The following PKD1L1 variants were observed in gnomAD, a reference collection of about 807,000 sequenced individuals.
The protein encoded by PKD1L1 is polycystin 1 like 1, transient receptor potential channel interacting.
In PKD1L1, 236 loss-of-function variants were observed where a neutral mutation model predicts 323.4. The observed-to-expected ratio is 0.73, with a 90% CI of 0.66 to 0.81. The LOEUF (loss-of-function observed/expected upper bound fraction) is 0.81, where lower values mean the gene tolerates loss of function less well. Among genes scored for constraint, PKD1L1 ranks in the 40% least tolerant of loss-of-function variants. The pLI is 0.00. For missense variants in PKD1L1, 3,320 were observed against 3,508.0 expected (o/e 0.95, Z 1.35); for synonymous variants, 1,344 against 1,335.0 (o/e 1.01, Z -0.15).
chr7:47,820,464 C>T lies in PKD1L1; in HGVS notation c.6965+612G>A, dbSNP rs374728674. On this transcript the variant is annotated intron_variant, in intron 46 of 56. Coordinates refer to ENST00000289672, the MANE Select transcript of PKD1L1 (RefSeq NM_138295.5). ...TGAAGGCCGGGCGTAGTGGCGCACA[C>T]CTGTAATCCCAGCACTTTGGGAGGC... 1.4e-3 allele frequency among the ~76,000 whole-genome samples: 211 copies of T among 152,314 alleles called. 1 individual carries two copies. The highest frequency in any genetic ancestry group is 4.7e-3 in the African/African-American group (197 of 41,566).
At chr7:47,954,268 GC>G in the PKD1L1 span, among the ~76,000 whole-genome samples, 4 of 152,254 alleles carry the variant, frequency 2.6e-5, no homozygotes, top group East Asian at 1.9e-4. Flanking sequence ...TGAGAAAAAA[GC>G]CAATTTTTGC....
chr7:47,807,317 G>A (rs183105509), intron 52 of PKD1L1, among the ~76,000 whole-genome samples: 25 of 152,278 alleles, frequency 1.6e-4, no homozygotes, highest in Non-Finnish European at 3.4e-4. Flanking sequence ...AAGCAGAAGT[G>A]TAGAGGAAAC....
At chr7:47,885,565 C>T (rs1286173285) in intron 18 of PKD1L1, 121 bp downstream of exon 18, 4 of 1,358,590 alleles carry the variant, frequency 2.9e-6, no homozygotes, top group African/African-American at 1.5e-5. Context: ...GAACCTGGCG[C>T]TTTCTGATTT....
chr7:47,925,687 G>A (rs577869737), intron 7 of PKD1L1, among the ~76,000 whole-genome samples: 1 of 152,212 alleles, frequency 6.6e-6, no homozygotes, highest in Admixed American at 6.5e-5. Flanking sequence ...CATTTAAACA[G>A]AGGCCTTAAG....
At chr7:47,855,340 G>T in intron 28 of PKD1L1, 75 bp from the exon 29 acceptor site, 1 of 1,044,432 alleles carries the variant, frequency 9.6e-7, no homozygotes, top group Non-Finnish European at 1.4e-6. Context: ...GCAAACCAAA[G>T]TATCGTGGTG....
intron 7 of PKD1L1, among the ~76,000 whole-genome samples, chr7:47,925,140 G>A (rs1787632807): frequency 6.6e-6 from 1 of 151,744 alleles, no homozygotes; most frequent in South Asian, 2.1e-4. Context: ...GAAAAAAAAA[G>A]GGAAAAAATA....
intron 40 of PKD1L1, 129 bp from the exon 41 acceptor site, chr7:47,833,381 G>T: frequency 9.7e-7 from 1 of 1,028,440 alleles, no homozygotes; most frequent in Non-Finnish European, 1.4e-6. Context: ...TGGTGCTGAG[G>T]CCTCTAAAGA....
Position 47,812,070 on chromosome 7 carries a change from T to G in PKD1L1, c.7347-19A>C. 6.5e-7 allele frequency: 1 copy of G among 1,547,498 alleles called. No homozygotes were observed. On this transcript the variant is annotated intron_variant, in intron 49 of 56. Coordinates refer to ENST00000289672, the MANE Select transcript of PKD1L1 (RefSeq NM_138295.5). Reference sequence around the variant, plus strand: ...TTCAGTCCTGTAAAACAGCACACACTGGGGTAGGGCAGGGCAGGGAGAAAG... The same window carrying G: ...TTCAGTCCTGTAAAACAGCACACACGGGGGTAGGGCAGGGCAGGGAGAAAG...
At chr7:47,848,915 T>A (rs1785721582) in intron 31 of PKD1L1, among the ~76,000 whole-genome samples, 1 of 152,080 alleles carries the variant, frequency 6.6e-6, no homozygotes, top group Non-Finnish European at 1.5e-5. Flanking sequence ...AAGGAACAAA[T>A]CTGGAGGCAT....
chr7:47,779,403 G>A (rs1462165215), intron 56 of PKD1L1, among the ~76,000 whole-genome samples: 1 of 152,150 alleles, frequency 6.6e-6, no homozygotes, highest in Admixed American at 6.5e-5. Flanking sequence ...CTGAAACATG[G>A]TGTGTTTTGA....
chr7:47,890,761 TA>T lies in PKD1L1; in HGVS notation c.2455del (p.Tyr819IlefsTer47). 6.2e-7 allele frequency: 1 copy of T among 1,612,056 alleles called. No individual in the cohort carries two copies. Among genetic ancestry groups the T allele is most frequent in the Non-Finnish European group, 8.5e-7 (1 of 1,179,896 alleles). Reference sequence around the variant, plus strand: ...GCCAGCGGTGGCGCATTCCCAGTGATACCTGTTGGAGAAGTCATCGGAGTGG... The same window carrying T: ...GCCAGCGGTGGCGCATTCCCAGTGATCCTGTTGGAGAAGTCATCGGAGTGG... The part of the protein sequence containing the change: ...DPDDPGATLR[Y>X]HWECATAGSP... On this transcript the variant is annotated frameshift_variant and splice_region_variant, in exon 16 of 57. Transcript: ENST00000289672. LOFTEE classifies it high-confidence loss of function.
intron 56 of PKD1L1, among the ~76,000 whole-genome samples, chr7:47,778,994 T>G (rs1786630839): frequency 6.6e-6 from 1 of 152,240 alleles, no homozygotes; most frequent in South Asian, 2.1e-4. Flanking sequence ...AAACTAGAAG[T>G]TCTTGTCCTA....
chr7:47,905,115 C>A, intron 11 of PKD1L1, 42 bp downstream of exon 11: 1 of 1,589,054 alleles, frequency 6.3e-7, no homozygotes, highest in Non-Finnish European at 8.6e-7. Flanking sequence ...GTATAGGCTG[C>A]AGTACAAACA....
intron 47 of PKD1L1, 75 bp downstream of exon 47, chr7:47,815,259 A>G: frequency 6.4e-7 from 1 of 1,553,082 alleles, no homozygotes; most frequent in Admixed American, 1.9e-5. Flanking sequence ...GCAGTTCAGC[A>G]TTAGTGACTG....
chr7:47,802,953 GTAA>G (rs1343113682), intron 53 of PKD1L1, among the ~76,000 whole-genome samples: 1 of 152,214 alleles, frequency 6.6e-6, no homozygotes, highest in Non-Finnish European at 1.5e-5. Flanking sequence ...ACTTATATTA[GTAA>G]TAATAACATG....
intron 16 of PKD1L1, among the ~76,000 whole-genome samples, chr7:47,888,630 C>T (rs1786737919): frequency 1.3e-5 from 2 of 152,272 alleles, no homozygotes; most frequent in Admixed American, 1.3e-4. Context: ...TCCCACACAG[C>T]CTCAGATGCT....
At chr7:47,938,330 T>C (rs1787910975) in intron 3 of PKD1L1, among the ~76,000 whole-genome samples, 2 of 152,210 alleles carry the variant, frequency 1.3e-5, no homozygotes, top group African/African-American at 2.4e-5. Context: ...CCTGAGTGCA[T>C]ACGCCTGGCA....
chr7:47,945,881 G>T (rs1043826178), intron 1 of PKD1L1, among the ~76,000 whole-genome samples: 1 of 152,174 alleles, frequency 6.6e-6, no homozygotes, highest in Non-Finnish European at 1.5e-5. Context: ...CTGGGACATA[G>T]TTGGCCCTTG....
chr7:47,932,685 C>T (rs1218823938), intron 4 of PKD1L1, among the ~76,000 whole-genome samples: 1 of 152,286 alleles, frequency 6.6e-6, no homozygotes, highest in South Asian at 2.1e-4. Flanking sequence ...GTTCCTTTCT[C>T]GGCGGCGGCT....
Sources: allele counts gnomAD v4.1 joint callset (sites outside exome capture counted in the v4.1 genomes callset), GRCh38; gene constraint gnomAD v4.1.1; transcripts MANE v1.5; gene names NCBI Gene and HGNC (gene_info 2026-07-23, HGNC 2026-07-21).